The following GTF3C5 variants were observed in gnomAD, a reference collection of about 807,000 sequenced individuals.
GTF3C5 encodes general transcription factor IIIC subunit 5, also known as general transcription factor 3C polypeptide 5.
GTF3C5 carries 47 observed loss-of-function variants against 61.0 expected under a neutral mutation model. The ratio of observed to expected loss-of-function variants is 0.77; its 90% CI spans 0.61 to 0.98. The LOEUF is 0.98. GTF3C5 is among the 50% of genes least tolerant of loss of function. The pLI, the probability that GTF3C5 is intolerant of heterozygous loss-of-function variation, is 0.00. For synonymous variants in GTF3C5, 295 were observed against 275.4 expected (o/e 1.07, Z -0.71); for missense variants, 659 against 703.3 (o/e 0.94, Z 0.71).
intron 3 of GTF3C5, among the ~76,000 whole-genome samples, chr9:133,048,743 C>G (rs1850282339): frequency 6.6e-6 from 1 of 152,250 alleles, no homozygotes; most frequent in Admixed American, 6.5e-5. Flanking sequence ...AGTTACTGCT[C>G]TGCCCTGTGG....
chr9:133,040,732 A>G (rs1246235644), intron 1 of GTF3C5, among the ~76,000 whole-genome samples: 1 of 152,156 alleles, frequency 6.6e-6, no homozygotes, highest in Non-Finnish European at 1.5e-5. Context: ...AGGTAACCCT[A>G]GACAAGCCAC....
intron 1 of GTF3C5, among the ~76,000 whole-genome samples, chr9:133,040,233 G>T (rs959209663): frequency 2.6e-5 from 4 of 152,168 alleles, no homozygotes; most frequent in Non-Finnish European, 4.4e-5. Context: ...TTTATGAGGA[G>T]GAGATTCCTG....
chr9:133,043,989 A>G (rs1381998714), intron 3 of GTF3C5, 63 bp downstream of exon 3: 4 of 1,234,450 alleles, frequency 3.2e-6, no homozygotes, highest in Non-Finnish European at 3.5e-6. Context: ...CCGGGCACGG[A>G]GGCTCACACA....
chr9:133,043,746 A>C lies in GTF3C5; in HGVS notation c.392A>C (p.Tyr131Ser). The change falls in exon 3 of 11, where the codon TAC (tyrosine) becomes TCC (serine). Residue 131 changes from tyrosine (Y) to serine (S), a missense_variant. By Grantham distance (144) the Tyr-to-Ser change is moderately radical. Transcript: ENST00000372097. ...YKFQGMSDFQ[Y>S]LAVHTEAGGK... is the part of the protein sequence containing the mutation. ...TTTCTAGGGATGTCTGACTTCCAGT[A>C]CTTGGCTGTGCATACGGAAGCAGGC... 1 of 1,614,084 alleles carries C rather than the reference A, an allele frequency of 6.2e-7. No individual in the cohort carries two copies. The highest frequency in any genetic ancestry group is 8.5e-7 in the Non-Finnish European group (1 of 1,179,956).
At chr9:133,039,308 G>GA (rs926691330) in intron 1 of GTF3C5, among the ~76,000 whole-genome samples, 6 of 151,448 alleles carry the variant, frequency 4.0e-5, no homozygotes, top group African/African-American at 7.3e-5. Context: ...AAGAAAAAAG[G>GA]AAAAAAAAAT....
chr9:133,057,682 C>G, intron 10 of GTF3C5, 132 bp from the exon 11 acceptor site: 1 of 770,034 alleles, frequency 1.3e-6, no homozygotes, highest in Non-Finnish European at 2.0e-6. Flanking sequence ...CCCATACTTA[C>G]CCACCAGCTT....
At position 133,050,892 on chromosome 9, in the gene GTF3C5, A is replaced by G; in HGVS notation, c.682A>G (p.Lys228Glu). The part of the protein sequence containing the change: ...FVNFEDEEVP[K>E]QPLEAAAQTW... ...CAACTTTGAGGATGAGGAGGTGCCC[A>G]AGCAGCCACTGGAGGCTGCAGCCCA... Residue 228 changes from lysine (K) to glutamate (E), a missense_variant, in exon 4 of 11, where the codon AAG becomes GAG. Coordinates refer to ENST00000372097, the MANE Select transcript of GTF3C5 (RefSeq NM_012087.4). 6.2e-7 allele frequency: 1 copy of G among 1,613,642 alleles called. No homozygotes were observed.
chr9:133,049,954 G>A (rs1306016564), intron 3 of GTF3C5, among the ~76,000 whole-genome samples: 1 of 152,182 alleles, frequency 6.6e-6, no homozygotes, highest in Non-Finnish European at 1.5e-5. Context: ...AGTGTCCGTA[G>A]TTGACATTGG....
At chr9:133,052,891 G>A (rs889149744) in intron 5 of GTF3C5, among the ~76,000 whole-genome samples, 4 of 152,108 alleles carry the variant, frequency 2.6e-5, no homozygotes, top group African/African-American at 7.2e-5. Context: ...GGAGTGCAGT[G>A]GTGTGATCTC....
intron 1 of GTF3C5, among the ~76,000 whole-genome samples, chr9:133,037,926 T>C (rs1371317953): frequency 6.6e-6 from 1 of 152,148 alleles, no homozygotes; most frequent in African/African-American, 2.4e-5. Context: ...TGCTGCTCGC[T>C]CTTCTGGCCA....
At chr9:133,041,898 T>C (rs1850050161) in intron 1 of GTF3C5, among the ~76,000 whole-genome samples, 189 bp from the exon 2 acceptor site, 1 of 152,204 alleles carries the variant, frequency 6.6e-6, no homozygotes, top group Admixed American at 6.5e-5. Context: ...TCTCATTTTT[T>C]CCACCAGATA....
At chr9:133,048,718 T>TGGC (rs990231436) in intron 3 of GTF3C5, among the ~76,000 whole-genome samples, 7 of 152,298 alleles carry the variant, frequency 4.6e-5, no homozygotes, top group Middle Eastern at 3.4e-3. Flanking sequence ...TGGCACTAGA[T>TGGC]GGCAGCAGCA....
At chr9:133,030,793 A>G, upstream of GTF3C5, 1 of 651,814 alleles carries the variant, frequency 1.5e-6, no homozygotes, top group Non-Finnish European at 2.8e-6. Flanking sequence ...TTAATTTTAA[A>G]TAAAAAGTCG....
At chr9:133,051,801 G>A (rs745473447) in intron 4 of GTF3C5, among the ~76,000 whole-genome samples, 2 of 152,196 alleles carry the variant, frequency 1.3e-5, no homozygotes, top group African/African-American at 2.4e-5. Flanking sequence ...TGAGGACAGC[G>A]ACCATGTCTC....
At chr9:133,053,263 A>G (rs1278705011) in intron 5 of GTF3C5, among the ~76,000 whole-genome samples, 4 of 152,158 alleles carry the variant, frequency 2.6e-5, no homozygotes, top group Non-Finnish European at 1.5e-5. Flanking sequence ...TAAAGGCTCC[A>G]CGGGCGCTAT....
chr9:133,034,518 A>G (rs2118969584), intron 1 of GTF3C5, among the ~76,000 whole-genome samples: 1 of 152,256 alleles, frequency 6.6e-6, no homozygotes, highest in Middle Eastern at 3.4e-3. Flanking sequence ...TTTTAGGGTT[A>G]GTTTGGTAGG....
At position 133,033,927 on chromosome 9, in the gene GTF3C5, T is replaced by C. The variant is rs551885534; in HGVS notation, c.153+2763T>C. Among the ~76,000 whole-genome samples, 10 of 152,262 alleles carry C rather than the reference T, an allele frequency of 6.6e-5. No individual in the cohort carries two copies. The South Asian group carries it at 1.2e-3, about 19-fold the overall frequency. On this transcript the variant is annotated intron_variant, in intron 1 of 10. Transcript: ENST00000372097. ...CCGGAGGGGAACACTGGGCCTGATATGTTTGGGGAGAGCGTTGGGTCCCAT... is the reference window on the plus strand; with the variant it reads ...CCGGAGGGGAACACTGGGCCTGATACGTTTGGGGAGAGCGTTGGGTCCCAT...
rs768762575 is a variant in GTF3C5, at chr9:133,054,400, G to T, written c.989-8G>T. On this transcript the variant is annotated splice_region_variant and splice_polypyrimidine_tract_variant and intron_variant, in intron 6 of 10. Coordinates refer to ENST00000372097, the MANE Select transcript of GTF3C5 (RefSeq NM_012087.4). ...CCGCCCACCTGACTTGCCCGCCCTC[G>T]CCTACAGGTTACGCCCCCAGTGACT... 3.7e-6 allele frequency: 6 copies of T among 1,613,330 alleles called. No individual in the cohort carries two copies. The highest frequency in any genetic ancestry group is 1.3e-5 in the African/African-American group (1 of 74,918).
intron 6 of GTF3C5, 134 bp from the exon 7 acceptor site, chr9:133,054,274 C>A (rs1026448846): frequency 2.9e-6 from 2 of 699,654 alleles, no homozygotes; most frequent in Admixed American, 4.6e-5. Flanking sequence ...ACCGCAGTGG[C>A]GTGCTTGGCA....
Sources: gnomAD v4.1 joint callset for allele counts (sites outside exome capture counted in the v4.1 genomes callset) on GRCh38, gnomAD v4.1.1 for gene constraint, MANE v1.5 for transcripts, NCBI Gene and HGNC (gene_info 2026-07-23, HGNC 2026-07-21) for gene names.